The following RGS7 variants were observed in gnomAD, a reference collection of about 807,000 sequenced individuals.
RGS7 encodes regulator of G protein signaling 7.
In RGS7, 27 loss-of-function variants were observed where a neutral mutation model predicts 81.1. The ratio of observed to expected loss-of-function variants is 0.33; its 90% CI spans 0.25 to 0.46. The LOEUF (loss-of-function observed/expected upper bound fraction) is 0.46, where lower values mean the gene tolerates loss of function less well. Among genes scored for constraint, RGS7 ranks in the 20% least tolerant of loss-of-function variants. The probability of loss-of-function intolerance (pLI) is 1.00; values close to 1 mark genes in which losing one functional copy is unlikely to be tolerated. For synonymous variants in RGS7, 208 were observed against 207.7 expected, an observed-to-expected ratio of 1.00 and a Z score of -0.01; for missense variants, 396 against 607.4, an observed-to-expected ratio of 0.65 and a Z score of 3.66.
chr1:240,980,506 A>G lies in RGS7; in HGVS notation c.226+2573T>C, dbSNP rs554005473. ...ATGGGTTTCTTTCTTATTTTAAAAC[A>G]TCTTCAGGGAGTTTTTGATAGAGTT... is the stretch of plus-strand genomic sequence containing the variant. On this transcript the variant is annotated intron_variant, in intron 4 of 18. Coordinates refer to ENST00000440928, the MANE Select transcript of RGS7 (RefSeq NM_001364886.1). Among the ~76,000 whole-genome samples the G allele has an allele frequency of 1.8e-4, 27 of 152,284 alleles. No homozygotes were observed. In the South Asian group the frequency reaches 5.6e-3, roughly 32 times the overall value.
At chr1:240,883,348 AAAAAAAC>A (rs1192679776) in intron 6 of RGS7, among the ~76,000 whole-genome samples, 1 of 151,080 alleles carries the variant, frequency 6.6e-6, no homozygotes, top group African/African-American at 2.5e-5. Context: ...AAAATTTTTT[AAAAAAAC>A]AAAAAACAAT....
At chr1:241,318,496 G>A (rs549660242) in intron 2 of RGS7, among the ~76,000 whole-genome samples, 1 of 149,314 alleles carries the variant, frequency 6.7e-6, no homozygotes, top group Non-Finnish European at 1.5e-5. Context: ...CACTCTTGTT[G>A]CCCAGGCTGG....
intron 3 of RGS7, among the ~76,000 whole-genome samples, chr1:241,015,247 C>T (rs1234363860): frequency 1.3e-5 from 2 of 152,084 alleles, no homozygotes; most frequent in East Asian, 1.9e-4. Flanking sequence ...TTATTGTACC[C>T]GAAATTTCAA....
intron 9 of RGS7, among the ~76,000 whole-genome samples, chr1:240,851,285 C>T (rs555393994): frequency 6.6e-6 from 1 of 152,288 alleles, no homozygotes; most frequent in Admixed American, 6.5e-5. Flanking sequence ...TCTACTGTGC[C>T]TGTGTTCTAC....
intron 10 of RGS7, among the ~76,000 whole-genome samples, chr1:240,818,809 G>A (rs573948417): frequency 1.2e-4 from 19 of 152,238 alleles, no homozygotes; most frequent in Admixed American, 3.3e-4. Context: ...AAAGCTCTTG[G>A]TCAACGGGTA....
At chr1:240,803,053 A>T (rs1228705028) in intron 15 of RGS7, 60 bp from the exon 16 acceptor site, 1 of 1,149,656 alleles carries the variant, frequency 8.7e-7, no homozygotes. Flanking sequence ...GTAAAATATC[A>T]TGATGTCACA....
Position 240,811,901 on chromosome 1 carries a change from C to T in RGS7, c.1082+17G>A. The T allele has an allele frequency of 6.2e-7, 1 of 1,602,440 alleles. No individual in the cohort carries two copies. Among genetic ancestry groups the T allele is most frequent in the Non-Finnish European group, 8.6e-7 (1 of 1,169,336 alleles). On this transcript the variant is annotated intron_variant, in intron 14 of 18. Transcript: ENST00000440928. ...CAGTATTTCTCTGGCTTATAAGATC[C>T]AAGCAATGTGTTTTACCTTAAATTT...
chr1:240,811,436 A>T (rs531983042), intron 14 of RGS7, among the ~76,000 whole-genome samples: 1 of 152,244 alleles, frequency 6.6e-6, no homozygotes, highest in Non-Finnish European at 1.5e-5. Context: ...CCCTGTGGCT[A>T]TTATTTAAAC....
rs547188764 is a variant in RGS7, at chr1:241,140,317, T to C, written c.79-41555A>G. On this transcript the variant is annotated intron_variant, in intron 2 of 18. Coordinates refer to ENST00000440928, the MANE Select transcript of RGS7 (RefSeq NM_001364886.1). ...ACCAGGAGCTCCCTCCTCTCATACC[T>C]TCAGGGTTAGAGATGGTAAGGGCTG... Among the ~76,000 whole-genome samples, 20 of 152,308 alleles carry C rather than the reference T, an allele frequency of 1.3e-4. No individual in the cohort carries two copies. In the South Asian group the frequency reaches 4.1e-3, roughly 32 times the overall value.
chr1:241,147,152 C>A (rs1432319513), intron 2 of RGS7, among the ~76,000 whole-genome samples: 1 of 152,144 alleles, frequency 6.6e-6, no homozygotes, highest in Non-Finnish European at 1.5e-5. Flanking sequence ...ACACACACGA[C>A]TCCATTTTTC....
At chr1:241,102,011 T>G (rs2064778836) in intron 2 of RGS7, among the ~76,000 whole-genome samples, 1 of 152,196 alleles carries the variant, frequency 6.6e-6, no homozygotes, top group Non-Finnish European at 1.5e-5. Context: ...GTGGTTGTAT[T>G]CCAAAATATT....
At chr1:241,190,327 T>G (rs1055374572) in intron 2 of RGS7, among the ~76,000 whole-genome samples, 2 of 152,168 alleles carry the variant, frequency 1.3e-5, no homozygotes, top group African/African-American at 2.4e-5. Context: ...AATTTTCATA[T>G]GAATTTTAAA....
intron 3 of RGS7, among the ~76,000 whole-genome samples, chr1:241,042,267 G>C (rs2060663924): frequency 6.9e-6 from 1 of 145,792 alleles, no homozygotes; most frequent in Non-Finnish European, 1.6e-5. Context: ...TATAAAAAGG[G>C]ATTATAATAA....
At chr1:240,805,960 A>G (rs1243216599) in intron 15 of RGS7, among the ~76,000 whole-genome samples, 180 bp downstream of exon 15, 1 of 126,276 alleles carries the variant, frequency 7.9e-6, no homozygotes, top group Non-Finnish European at 1.6e-5. Context: ...CCCAGGTTTT[A>G]AAAAAACTAT....
chr1:241,314,366 A>C (rs1358051666), intron 2 of RGS7, among the ~76,000 whole-genome samples: 1 of 152,270 alleles, frequency 6.6e-6, no homozygotes, highest in Non-Finnish European at 1.5e-5. Flanking sequence ...TCCCCAAGGA[A>C]AAAGATTTGC....
chr1:241,335,513 A>C (rs1043008244), intron 2 of RGS7, among the ~76,000 whole-genome samples: 6 of 152,204 alleles, frequency 3.9e-5, no homozygotes, highest in African/African-American at 1.4e-4. Context: ...CAATGTATCA[A>C]ATCTGTTGTT....
rs373839032 is a variant in RGS7 at position 240,923,607 on chromosome 1, G to C, written c.385+7110C>G. 1.4e-4 allele frequency among the ~76,000 whole-genome samples: 22 copies of C among 151,910 alleles called. 1 individual carries two copies. The highest frequency in any genetic ancestry group is 8.3e-4 in the South Asian group (4 of 4,812). On this transcript the variant is annotated intron_variant, in intron 6 of 18. Coordinates refer to ENST00000440928, the MANE Select transcript of RGS7 (RefSeq NM_001364886.1). ...GATTCATTAAAAGTGAATGACAAAG[G>C]CTTGGAAAGTTCTTCAGAGGACAAT...
At chr1:240,937,143 G>A (rs903472035) in intron 4 of RGS7, among the ~76,000 whole-genome samples, 6 of 152,090 alleles carry the variant, frequency 3.9e-5, no homozygotes, top group Admixed American at 2.0e-4. Flanking sequence ...GTAGCCAATC[G>A]GGTCAGTTTA....
chr1:241,232,250 G>C (rs1038255535), intron 2 of RGS7, among the ~76,000 whole-genome samples: 1 of 151,844 alleles, frequency 6.6e-6, no homozygotes, highest in African/African-American at 2.4e-5. Context: ...GCAGTGGTGA[G>C]ACAATAGCTC....
Sources: gnomAD v4.1 joint callset for allele counts (sites outside exome capture counted in the v4.1 genomes callset) on GRCh38, gnomAD v4.1.1 for gene constraint, MANE v1.5 for transcripts, NCBI Gene and HGNC (gene_info 2026-07-23, HGNC 2026-07-21) for gene names.